Variants in NDFIP1 observed in about 807,000 individuals in gnomAD.
The protein encoded by NDFIP1 is Nedd4 family interacting protein 1, also known as NEDD4 family-interacting protein 1.
Under a neutral mutation model 28.8 loss-of-function variants are expected in NDFIP1, and 7 were observed. That is an observed-to-expected ratio of 0.24 (90% confidence interval 0.14 to 0.46). The LOEUF is 0.46. Ranked by LOEUF, NDFIP1 falls within the 20% of genes least tolerant of loss-of-function variation. The pLI, the probability that NDFIP1 is intolerant of heterozygous loss-of-function variation, is 0.99. For synonymous variants in NDFIP1, 92 were observed against 101.0 expected (o/e 0.91, Z 0.53); for missense variants, 194 against 269.1 (o/e 0.72, Z 1.95).
At chr5:142,148,151 G>A (rs1426230441) in intron 7 of NDFIP1, among the ~76,000 whole-genome samples, 2 of 152,016 alleles carry the variant, frequency 1.3e-5, no homozygotes, top group African/African-American at 2.4e-5. Context: ...CTAAGATTTG[G>A]CATTTTACTA....
chr5:142,123,137 A>G (rs1157704471), intron 1 of NDFIP1, among the ~76,000 whole-genome samples: 7 of 151,680 alleles, frequency 4.6e-5, no homozygotes, highest in Middle Eastern at 3.2e-3. Flanking sequence ...TAATTTTTCT[A>G]TTTTTAGTAG....
At chr5:142,116,049 T>G (rs193009948) in intron 1 of NDFIP1, among the ~76,000 whole-genome samples, 1 of 152,186 alleles carries the variant, frequency 6.6e-6, no homozygotes, top group African/African-American at 2.4e-5. Flanking sequence ...CATTTTGGTA[T>G]CTGTGGGGAG....
chr5:142,125,258 T>C lies in NDFIP1; in HGVS notation c.64-6550T>C, dbSNP rs560262923. ...AGTTGATGAACATTGTTGGCTATTATGGATAATGCTACTGTGAAGATTCAT... is the reference window on the plus strand; with the variant it reads ...AGTTGATGAACATTGTTGGCTATTACGGATAATGCTACTGTGAAGATTCAT... On this transcript the variant is annotated intron_variant, in intron 1 of 7. Coordinates refer to ENST00000253814, the MANE Select transcript of NDFIP1 (RefSeq NM_030571.4). Among the ~76,000 whole-genome samples, 35 of 152,374 alleles carry C rather than the reference T, an allele frequency of 2.3e-4. 1 individual carries two copies. Among genetic ancestry groups the C allele is most frequent in the South Asian group, 2.3e-3 (11 of 4,830 alleles).
intron 1 of NDFIP1, among the ~76,000 whole-genome samples, chr5:142,120,165 A>T (rs1186598494): frequency 1.3e-5 from 2 of 152,184 alleles, no homozygotes; most frequent in African/African-American, 4.8e-5. Flanking sequence ...TATGTTGGTC[A>T]GGCTGGTCTC....
chr5:142,142,943 ATAT>A (rs1561604557), intron 6 of NDFIP1: 39 of 44,958 alleles, frequency 8.7e-4, no homozygotes, highest in Middle Eastern at 0.015. Flanking sequence ...AAAAAAAAAT[ATAT>A]ATATATATAT....
At chr5:142,137,070 C>CAAAAAA (rs56227585) in intron 4 of NDFIP1, among the ~76,000 whole-genome samples, 1 of 95,026 alleles carries the variant, frequency 1.1e-5, no homozygotes, top group Non-Finnish European at 2.1e-5. Flanking sequence ...GACTCAGTCT[C>CAAAAAA]AAAAAAAAAA....
chr5:142,129,623 C>G (rs1757205445), intron 1 of NDFIP1, among the ~76,000 whole-genome samples: 2 of 151,982 alleles, frequency 1.3e-5, no homozygotes, highest in South Asian at 4.1e-4. Flanking sequence ...TTGAGATGAT[C>G]AGTTAAAATT....
rs1596778716 is a variant in NDFIP1 at position 142,109,897 on chromosome 5, G to A, written c.63+860G>A. 3.9e-5 allele frequency among the ~76,000 whole-genome samples: 6 copies of A among 152,314 alleles called. No individual in the cohort carries two copies. The South Asian group carries it at 1.2e-3, about 32-fold the overall frequency. On this transcript the variant is annotated intron_variant, in intron 1 of 7. Coordinates refer to ENST00000253814, the MANE Select transcript of NDFIP1 (RefSeq NM_030571.4). Reference sequence around the variant, plus strand: ...AGTGTTAATCTAACATACAGTAATGGTGGGAATTGAGCCAGGTGGTAAACT... The same window carrying A: ...AGTGTTAATCTAACATACAGTAATGATGGGAATTGAGCCAGGTGGTAAACT...
At chr5:142,122,505 G>A (rs1473114980) in intron 1 of NDFIP1, among the ~76,000 whole-genome samples, 3 of 152,054 alleles carry the variant, frequency 2.0e-5, no homozygotes, top group Non-Finnish European at 4.4e-5. Context: ...GTTTCTGTTG[G>A]ACATATAACT....
In NDFIP1 at chr5:142,153,015, A is replaced by G; in HGVS notation, c.*1287A>G. The G allele has an allele frequency of 3.0e-6, 1 of 331,286 alleles. No individual in the cohort carries two copies. The highest frequency in any genetic ancestry group is 2.5e-5 in the South Asian group (1 of 39,710). The allele number at this position is 331,286 out of a possible 1,614,324, so 20.5% of individuals were successfully genotyped here. On this transcript the variant is annotated 3_prime_UTR_variant, in exon 8 of 8. Coordinates refer to ENST00000253814, the MANE Select transcript of NDFIP1 (RefSeq NM_030571.4). ...GACTAAAAAAGTAGAGAGGAGTTGT[A>G]GAGATCTTAAATCATTCTGGAATTC...
chr5:142,126,537 T>TTGTA (rs1177080151), intron 1 of NDFIP1, among the ~76,000 whole-genome samples: 1 of 152,204 alleles, frequency 6.6e-6, no homozygotes, highest in East Asian at 1.9e-4. Flanking sequence ...GTTTGTTTGT[T>TTGTA]TGTATGAATT....
At chr5:142,110,139 A>G (rs1299854299) in intron 1 of NDFIP1, among the ~76,000 whole-genome samples, 1 of 152,194 alleles carries the variant, frequency 6.6e-6, no homozygotes, top group East Asian at 1.9e-4. Context: ...TGCTATCATC[A>G]GCCATGTGTT....
chr5:142,152,585 G>T lies in NDFIP1; in HGVS notation c.*857G>T, dbSNP rs1757458537. 7.4e-6 allele frequency: 1 copy of T among 134,284 alleles called. No homozygotes were observed. The highest frequency in any genetic ancestry group is 9.1e-5 in the Admixed American group (1 of 10,988). 8.3% of individuals were successfully genotyped at this position (134,284 alleles called of 1,614,324 possible). A position where few individuals can be genotyped will look rare whatever the true frequency, so the allele number is the denominator to read the frequency against. ...AGAGGATTAGGTACTTAGGAGCAAAGAAAGAAGTAGCTTGGAACTTTTGAG... is the reference window on the plus strand; with the variant it reads ...AGAGGATTAGGTACTTAGGAGCAAATAAAGAAGTAGCTTGGAACTTTTGAG... On this transcript the variant is annotated 3_prime_UTR_variant, in exon 8 of 8. Transcript: ENST00000253814.
chr5:142,146,540 T>C (rs748050870), intron 7 of NDFIP1, among the ~76,000 whole-genome samples: 3 of 152,218 alleles, frequency 2.0e-5, no homozygotes, highest in Non-Finnish European at 4.4e-5. Flanking sequence ...TGAAGGGTGC[T>C]GAAATCACCT....
At chr5:142,142,019 C>T (rs1448266731) in intron 6 of NDFIP1, among the ~76,000 whole-genome samples, 1 of 152,092 alleles carries the variant, frequency 6.6e-6, no homozygotes, top group Non-Finnish European at 1.5e-5. Context: ...TGCCTGTAGT[C>T]CTAGCTACTT....
rs1561603831 is a variant in NDFIP1, at chr5:142,140,626, T to G, written c.559T>G (p.Leu187Val). 8 of 1,610,376 alleles carry G rather than the reference T, an allele frequency of 5.0e-6. No individual in the cohort carries two copies. The highest frequency in any genetic ancestry group is 6.8e-6 in the Non-Finnish European group (8 of 1,178,642). ...CTGGCTCTGGTGGGTGTTCCTTGTTTTAGGTAAGTGTTTTTAATGTAAGAA... is the reference window on the plus strand; with the variant it reads ...CTGGCTCTGGTGGGTGTTCCTTGTTGTAGGTAAGTGTTTTTAATGTAAGAA... ...QYWLWWVFLV[L>V]GFLLFLRGFI... The change falls in exon 6 of 8, where the codon TTA becomes GTA. Residue 187 changes from leucine to valine, a missense_variant. Coordinates refer to ENST00000253814, the MANE Select transcript of NDFIP1 (RefSeq NM_030571.4).
At position 142,108,794 on chromosome 5, in the gene NDFIP1, G is replaced by T. The variant is rs3761758; in HGVS notation, c.-181G>T. ...CCTCTTCCCCAGGGGCCGCGTCGGA[G>T]CCTCGGCGGCGGCGGCGGTGCTTAC... On this transcript the variant is annotated 5_prime_UTR_variant, in exon 1 of 8. Transcript: ENST00000253814. 0.14 allele frequency: 60,240 copies of T among 446,176 alleles called. 4,370 individuals are homozygous for T. The highest frequency in any genetic ancestry group is 0.21 in the East Asian group (5,621 of 26,494). The allele number at this position is 446,176 out of a possible 1,614,324, so 27.6% of individuals were successfully genotyped here.
chr5:142,110,482 C>T (rs961678744), intron 1 of NDFIP1, among the ~76,000 whole-genome samples: 1 of 152,120 alleles, frequency 6.6e-6, no homozygotes, highest in African/African-American at 2.4e-5. Flanking sequence ...TTTGTACTGC[C>T]ATCTTCTTGA....
chr5:142,127,479 G>A (rs1280391731), intron 1 of NDFIP1, among the ~76,000 whole-genome samples: 1 of 152,128 alleles, frequency 6.6e-6, no homozygotes, highest in African/African-American at 2.4e-5. Flanking sequence ...AAGGTAATCA[G>A]GAAAAGAGTA....
Sources: allele counts gnomAD v4.1 joint callset (sites outside exome capture counted in the v4.1 genomes callset), GRCh38; gene constraint gnomAD v4.1.1; transcripts MANE v1.5; gene names NCBI Gene and HGNC (gene_info 2026-07-23, HGNC 2026-07-21).